Variants in KCNK2 observed in about 807,000 individuals in gnomAD.
KCNK2 encodes potassium channel subfamily K member 2.
A neutral mutation model predicts 40.5 loss-of-function variants in KCNK2; 21 were observed. The ratio of observed to expected loss-of-function variants is 0.52; its 90% CI spans 0.37 to 0.75. The LOEUF is 0.75. Ranked by LOEUF, KCNK2 falls within the 30% of genes least tolerant of loss-of-function variation. The pLI is 0.00. For synonymous variants in KCNK2, 191 were observed against 202.2 expected (o/e 0.94, Z 0.47); for missense variants, 399 against 531.6 (o/e 0.75, Z 2.45).
chr1:215,061,699 A>C (rs1409097699), intron 1 of KCNK2, among the ~76,000 whole-genome samples: 1 of 152,160 alleles, frequency 6.6e-6, no homozygotes, highest in Non-Finnish European at 1.5e-5. Flanking sequence ...AAAATATTTT[A>C]GAGTTAATTT....
chr1:215,132,037 G>A (rs1661702029), intron 3 of KCNK2, among the ~76,000 whole-genome samples: 1 of 152,090 alleles, frequency 6.6e-6, no homozygotes, highest in Non-Finnish European at 1.5e-5. Flanking sequence ...ACACCAGGAA[G>A]AAAATTAAAA....
chr1:215,161,173 T>C (rs1022743212), intron 3 of KCNK2, among the ~76,000 whole-genome samples: 1 of 152,186 alleles, frequency 6.6e-6, no homozygotes, highest in African/African-American at 2.4e-5. Context: ...GAGCCCAAAC[T>C]ATTGAGCATG....
At chr1:215,188,017 A>C (rs1327498109) in intron 5 of KCNK2, among the ~76,000 whole-genome samples, 2 of 152,132 alleles carry the variant, frequency 1.3e-5, no homozygotes, top group Non-Finnish European at 2.9e-5. Flanking sequence ...TAAAATCCAA[A>C]AGTTCTAGGC....
intron 1 of KCNK2, among the ~76,000 whole-genome samples, chr1:215,075,735 G>T (rs1173403438): frequency 1.3e-5 from 2 of 152,208 alleles, no homozygotes; most frequent in Admixed American, 1.3e-4. Flanking sequence ...AGCCAGCCAT[G>T]TTGGTAGAGG....
intron 3 of KCNK2, among the ~76,000 whole-genome samples, chr1:215,156,981 G>A (rs556392536): frequency 1.3e-5 from 2 of 152,018 alleles, no homozygotes; most frequent in African/African-American, 4.8e-5. Flanking sequence ...AACCTGGGAG[G>A]TGGAGGTTGC....
chr1:215,080,192 T>C (rs1435774481), upstream of KCNK2, among the ~76,000 whole-genome samples: 3 of 152,180 alleles, frequency 2.0e-5, no homozygotes, highest in Non-Finnish European at 2.9e-5. Flanking sequence ...TCAAAACATA[T>C]TTAATTTATT....
At chr1:215,106,762 T>C (rs1660456225) in intron 2 of KCNK2, among the ~76,000 whole-genome samples, 1 of 152,168 alleles carries the variant, frequency 6.6e-6, no homozygotes, top group Non-Finnish European at 1.5e-5. Context: ...AATTTTTGCA[T>C]ATGGTGATAG....
intron 3 of KCNK2, among the ~76,000 whole-genome samples, chr1:215,165,385 C>T (rs1053975690): frequency 1.3e-5 from 2 of 152,048 alleles, no homozygotes; most frequent in Admixed American, 1.3e-4. Context: ...TGCCATTGTC[C>T]CTTATAAAGA....
chr1:215,137,563 A>C (rs1236070846), intron 3 of KCNK2, among the ~76,000 whole-genome samples: 1 of 152,172 alleles, frequency 6.6e-6, no homozygotes, highest in Non-Finnish European at 1.5e-5. Context: ...GAAAAATAAG[A>C]TTTATAAATA....
intron 1 of KCNK2, among the ~76,000 whole-genome samples, chr1:215,085,737 C>T (rs951335337): frequency 2.3e-4 from 35 of 152,288 alleles, no homozygotes; most frequent in African/African-American, 7.5e-4. Flanking sequence ...TCATCATGAG[C>T]CCACTTTGGA....
chr1:215,228,557 T>C (rs539361881), intron 6 of KCNK2, among the ~76,000 whole-genome samples: 1 of 152,322 alleles, frequency 6.6e-6, no homozygotes, highest in Admixed American at 6.5e-5. Flanking sequence ...TTACATGACC[T>C]GTAGGAACAT....
At chr1:215,108,181 C>A (rs924829295) in intron 2 of KCNK2, among the ~76,000 whole-genome samples, 1 of 152,132 alleles carries the variant, frequency 6.6e-6, no homozygotes, top group Non-Finnish European at 1.5e-5. Context: ...GTAAAGCTCC[C>A]TGGTGGCCGC....
upstream of KCNK2, among the ~76,000 whole-genome samples, chr1:215,079,836 C>T (rs1031871568): frequency 2.0e-5 from 3 of 152,134 alleles, no homozygotes; most frequent in Non-Finnish European, 2.9e-5. Flanking sequence ...GGGCTTTTAA[C>T]GGGGGCAGAC....
At chr1:215,186,395 A>C (rs1664441130) in intron 5 of KCNK2, among the ~76,000 whole-genome samples, 1 of 152,054 alleles carries the variant, frequency 6.6e-6, no homozygotes, top group Non-Finnish European at 1.5e-5. Flanking sequence ...CCCCATCTTG[A>C]AAAAAAAGAA....
chr1:215,045,158 T>C (rs1558067722), intron 1 of KCNK2, among the ~76,000 whole-genome samples: 1 of 150,860 alleles, frequency 6.6e-6, no homozygotes, highest in African/African-American at 2.4e-5. Context: ...AACTCCAGCC[T>C]GGGCGACAGA....
chr1:215,184,653 C>T (rs950798553), intron 5 of KCNK2, among the ~76,000 whole-genome samples: 6 of 152,046 alleles, frequency 3.9e-5, no homozygotes, highest in Admixed American at 3.9e-4. Flanking sequence ...TATAAAACCA[C>T]CAGATTTCAT....
At chr1:215,029,502 A>G (rs182847418) in intron 1 of KCNK2, among the ~76,000 whole-genome samples, 2 of 147,992 alleles carry the variant, frequency 1.4e-5, no homozygotes, top group African/African-American at 4.9e-5. Flanking sequence ...ATTTATATAA[A>G]TAACAGAATA....
intron 2 of KCNK2, among the ~76,000 whole-genome samples, chr1:215,100,291 C>T (rs1209403444): frequency 6.6e-6 from 1 of 151,512 alleles, no homozygotes; most frequent in African/African-American, 2.4e-5. Flanking sequence ...GCAGGGCAGC[C>T]CAAAATAGGT....
At chr1:215,132,820 A>G (rs1028942518) in intron 3 of KCNK2, among the ~76,000 whole-genome samples, 2 of 152,230 alleles carry the variant, frequency 1.3e-5, no homozygotes, top group Admixed American at 1.3e-4. Context: ...GTGAAAAAGT[A>G]TATTTGATAG....
Sources: allele counts gnomAD v4.1 joint callset (sites outside exome capture counted in the v4.1 genomes callset), GRCh38; gene constraint gnomAD v4.1.1; transcripts MANE v1.5; gene names NCBI Gene and HGNC (gene_info 2026-07-23, HGNC 2026-07-21).